MORC3: variants seen among roughly 807,000 people sequenced by gnomAD.
MORC3 encodes MORC family CW-type zinc finger protein 3.
MORC3 carries 31 observed loss-of-function variants against 109.1 expected under a neutral mutation model. The observed-to-expected ratio is 0.28, with a 90% CI of 0.21 to 0.38. MORC3 has a LOEUF of 0.38. Ranked by LOEUF, MORC3 falls within the 10% of genes least tolerant of loss-of-function variation. MORC3 has a pLI of 1.00. For synonymous variants in MORC3, 395 were observed against 380.7 expected, an observed-to-expected ratio of 1.04 and a Z score of -0.44; for missense variants, 867 against 1,135.8, an observed-to-expected ratio of 0.76 and a Z score of 3.40.
chr21:36,322,933 C>G (rs139237150), intron 1 of MORC3, among the ~76,000 whole-genome samples: 2 of 152,136 alleles, frequency 1.3e-5, no homozygotes, highest in African/African-American at 4.8e-5. Flanking sequence ...TTTGTTATTA[C>G]TCTTACAAAT....
Position 36,369,717 on chromosome 21 carries a change from GA to G in MORC3, c.2355del (p.Lys785AsnfsTer9). On this transcript the variant is annotated frameshift_variant, in exon 15 of 17. Transcript: ENST00000400485. LOFTEE classifies it high-confidence loss of function. ...QQALEEIERLKKQCSALQHVK... is the reference protein window; with the variant it reads ...QQALEEIERLXKQCSALQHVK... ...AAGCTTTGGAAGAAATAGAAAGGCT[GA>G]AAAAACAATGTAGTGCTTTGCAACA... 6.2e-7 allele frequency: 1 copy of G among 1,614,148 alleles called. No individual in the cohort carries two copies. Among genetic ancestry groups the G allele is most frequent in the Non-Finnish European group, 8.5e-7 (1 of 1,180,016 alleles).
intron 8 of MORC3, among the ~76,000 whole-genome samples, chr21:36,346,420 A>T (rs1275286177): frequency 1.3e-5 from 2 of 152,170 alleles, no homozygotes; most frequent in African/African-American, 2.4e-5. Flanking sequence ...GACCAGACAC[A>T]GTGGCTCATT....
chr21:36,356,787 AGGGATTGTACAATGTT>A, intron 10 of MORC3, 63 bp downstream of exon 10: 1 of 1,114,640 alleles, frequency 9.0e-7, no homozygotes, highest in Admixed American at 2.4e-5. Context: ...TAGAGAGTAA[AGGGATTGTACAATGTT>A]TCACAAACTT....
intron 12 of MORC3, 83 bp from the exon 13 acceptor site, chr21:36,362,100 C>T (rs2085723697): frequency 2.9e-6 from 4 of 1,384,796 alleles, no homozygotes; most frequent in Middle Eastern, 1.8e-4. Flanking sequence ...TTCAGAGTAC[C>T]TTAGTAACTG....
intron 1 of MORC3, among the ~76,000 whole-genome samples, chr21:36,329,645 AAAGACTAGTTCAGGCCATGACAGG>A (rs2085291458): frequency 6.6e-6 from 1 of 152,158 alleles, no homozygotes; most frequent in African/African-American, 2.4e-5. Flanking sequence ...ATTTAATCTG[AAAGACTAGTTCAGGCCATGACAGG>A]AAGTTGGGGT....
At chr21:36,347,096 CACAA>C (rs777857643) in intron 8 of MORC3, among the ~76,000 whole-genome samples, 1 of 151,420 alleles carries the variant, frequency 6.6e-6, no homozygotes, top group East Asian at 1.9e-4. Context: ...GGATCTCAGA[CACAA>C]ACACATCATT....
At chr21:36,370,639 ATTTTTTTTTT>A (rs869169013) in intron 15 of MORC3, among the ~76,000 whole-genome samples, 497 of 37,238 alleles carry the variant, frequency 0.013, 1 homozygote, top group African/African-American at 0.029. Flanking sequence ...ATATATATAT[ATTTTTTTTTT>A]TTTTTTTTTT....
chr21:36,333,487 C>T lies in MORC3; in HGVS notation c.40-159C>T, dbSNP rs1342585122. On this transcript the variant is annotated intron_variant, in intron 1 of 16. Transcript: ENST00000400485. ...GTTCCCAGTGTTATCTTCCAAGAAT[C>T]GTATATTCTAGATTGTATCTTCCAG... The T allele has an allele frequency of 3.3e-5, 20 of 612,192 alleles. No individual in the cohort carries two copies. In the East Asian group the frequency reaches 4.4e-4, roughly 14 times the overall value. 37.9% of individuals were successfully genotyped at this position (612,192 alleles called of 1,614,324 possible).
rs780965786 is a variant in MORC3 at position 36,320,229 on chromosome 21, G to C, written c.-36G>C. On this transcript the variant is annotated 5_prime_UTR_variant, in exon 1 of 17. Transcript: ENST00000400485. ...TTCCGCCACCTCCCAGTCGGGTTGC[G>C]GCGGAGGCCGTTCCTGGCTTTGTAG... The C allele has an allele frequency of 2.0e-5, 32 of 1,570,162 alleles. No individual in the cohort carries two copies. Among genetic ancestry groups the C allele is most frequent in the Non-Finnish European group, 2.8e-5 (32 of 1,158,664 alleles).
rs1601547209 is a variant in MORC3 at position 36,375,572 on chromosome 21, T to C, written c.*276T>C. On this transcript the variant is annotated 3_prime_UTR_variant, in exon 17 of 17. Coordinates refer to ENST00000400485, the MANE Select transcript of MORC3 (RefSeq NM_015358.3). The stretch of plus-strand genomic sequence containing the variant: ...AATTAAGCCTGCACATATTTTTTTA[T>C]TGCCCTAGAGTACTCAAGTGTTTTT... The C allele has an allele frequency of 7.6e-6, 2 of 264,106 alleles. No homozygotes were observed. The highest frequency in any genetic ancestry group is 1.5e-5 in the Non-Finnish European group (2 of 137,484). The allele number at this position is 264,106 out of a possible 1,614,324, so 16.4% of individuals were successfully genotyped here.
chr21:36,362,412 A>G (rs753951231), intron 13 of MORC3, among the ~76,000 whole-genome samples, 184 bp downstream of exon 13: 37 of 151,112 alleles, frequency 2.4e-4, no homozygotes, highest in Admixed American at 5.9e-4. Context: ...ATGTGGTGGC[A>G]CATACCTGTA....
intron 9 of MORC3, among the ~76,000 whole-genome samples, chr21:36,350,911 C>T (rs1489016185): frequency 6.6e-6 from 1 of 152,060 alleles, no homozygotes; most frequent in Non-Finnish European, 1.5e-5. Context: ...TACAAGCATA[C>T]AACATGTAAT....
At chr21:36,326,339 C>T (rs2085247912) in intron 1 of MORC3, among the ~76,000 whole-genome samples, 1 of 152,048 alleles carries the variant, frequency 6.6e-6, no homozygotes, top group Non-Finnish European at 1.5e-5. Context: ...GCCTGGCCAA[C>T]ATGGTGAAAC....
intron 15 of MORC3, among the ~76,000 whole-genome samples, chr21:36,371,183 G>A (rs960620772): frequency 2.6e-5 from 4 of 152,104 alleles, no homozygotes; most frequent in African/African-American, 4.8e-5. Context: ...TTGTGTGTGA[G>A]GCCTTTGAAA....
At chr21:36,340,818 G>A (rs138970282) in intron 5 of MORC3, among the ~76,000 whole-genome samples, 1,535 of 152,066 alleles carry the variant, frequency 0.01, 14 homozygotes, top group African/African-American at 0.035. Flanking sequence ...TGTGTTTTTA[G>A]TAGAGACAGG....
In MORC3 at chr21:36,360,000, G is replaced by A. The variant is rs574366083; in HGVS notation, c.1254G>A (p.Lys418=). The change falls in exon 11 of 17, where the codon AAG becomes AAA. Residue 418 remains lysine (K), a synonymous_variant. Coordinates refer to ENST00000400485, the MANE Select transcript of MORC3 (RefSeq NM_015358.3). The part of the protein sequence containing the change: ...QTWVQCDACL[K]WRKLPDGMDQ... ...GGGTTCAGTGTGATGCCTGTCTAAA[G>A]TGGCGGAAATTACCTGATGGGATGG... is the stretch of plus-strand genomic sequence containing the variant. 2 of 1,614,176 alleles carry A rather than the reference G, an allele frequency of 1.2e-6. No homozygotes were observed. Among genetic ancestry groups the A allele is most frequent in the Non-Finnish European group, 1.7e-6 (2 of 1,180,024 alleles).
At chr21:36,345,168 T>C in intron 8 of MORC3, 137 bp downstream of exon 8, 1 of 939,708 alleles carries the variant, frequency 1.1e-6, no homozygotes, top group East Asian at 2.9e-5. Flanking sequence ...TTGTAAAAAA[T>C]AACACTGTGG....
chr21:36,331,498 T>C (rs142316768), intron 1 of MORC3, among the ~76,000 whole-genome samples: 4,027 of 152,118 alleles, frequency 0.026, 167 homozygotes, highest in African/African-American at 0.089. Flanking sequence ...CTCGGGAGGC[T>C]GAGGCAGGAG....
rs2085445638 is a variant in MORC3 at position 36,341,526 on chromosome 21, G to C, written c.736G>C (p.Glu246Gln). 6.2e-7 allele frequency: 1 copy of C among 1,613,904 alleles called. No individual in the cohort carries two copies. ...GGAAAGGATGGACCAGATTGCCCCT[G>C]AGAGTGACTATTCCCTGAGGGTATG... ...KQERMDQIAP[E>Q]SDYSLRAYCS... Residue 246 changes from glutamate to glutamine, a missense_variant, in exon 6 of 17, where the codon GAG becomes CAG. This residue lies in a region of MORC3 where 134 missense variants were observed against 166.6 expected (regional missense o/e 0.80). Coordinates refer to ENST00000400485, the MANE Select transcript of MORC3 (RefSeq NM_015358.3).
Sources: gnomAD v4.1 joint callset for allele counts (sites outside exome capture counted in the v4.1 genomes callset) on GRCh38, gnomAD v4.1.1 for gene constraint, gnomAD v4.1.1 regional missense constraint, MANE v1.5 for transcripts, NCBI Gene and HGNC (gene_info 2026-07-23, HGNC 2026-07-21) for gene names.